Variants in MALRD1 observed in about 807,000 individuals in gnomAD.
MALRD1 encodes the protein MAM and LDL-receptor class A domain-containing protein 1.
Under a neutral mutation model 242.1 loss-of-function variants are expected in MALRD1, and 247 were observed. The ratio of observed to expected loss-of-function variants is 1.02; its 90% CI spans 0.92 to 1.13. MALRD1 has a LOEUF of 1.13. Ranked by LOEUF, MALRD1 falls within the 50% of genes most tolerant of loss-of-function variation. The pLI is 0.00. For missense variants in MALRD1, 2,989 were observed against 2,533.1 expected, an observed-to-expected ratio of 1.18 and a Z score of -3.86; for synonymous variants, 995 against 866.6, an observed-to-expected ratio of 1.15 and a Z score of -2.60.
chr10:19,283,810 G>A (rs576709282), intron 21 of MALRD1, among the ~76,000 whole-genome samples: 16 of 152,182 alleles, frequency 1.1e-4, no homozygotes, highest in African/African-American at 1.4e-4. Flanking sequence ...TTAATTTCAC[G>A]TTATCTCAAT....
chr10:19,295,237 T>G (rs1352980064), intron 21 of MALRD1, among the ~76,000 whole-genome samples: 1 of 152,136 alleles, frequency 6.6e-6, no homozygotes, highest in African/African-American at 2.4e-5. Context: ...TTATTCGTAA[T>G]TTAGACATTT....
At chr10:19,454,274 T>A (rs761084714) in intron 29 of MALRD1, among the ~76,000 whole-genome samples, 3 of 151,316 alleles carry the variant, frequency 2.0e-5, no homozygotes, top group Non-Finnish European at 2.9e-5. Context: ...TGACAAGACT[T>A]GTGTATTATT....
intron 18 of MALRD1, among the ~76,000 whole-genome samples, chr10:19,231,440 G>A (rs980454942): frequency 2.6e-5 from 4 of 152,136 alleles, no homozygotes; most frequent in African/African-American, 9.7e-5. Context: ...ATTAGCCATT[G>A]ATGTGATTCG....
At position 19,103,551 on chromosome 10, in the gene MALRD1, C is replaced by CAA. The variant is rs61433069; in HGVS notation, c.598-415_598-414dup. ...TGGGTGAAAAAGCGAGACTCCGTCT[C>CAA]AAAAAAAAAAAAAATAAATAAAGAT... On this transcript the variant is annotated intron_variant, in intron 4 of 39. Transcript: ENST00000454679. Among the ~76,000 whole-genome samples, 707 of 109,724 alleles carry CAA rather than the reference C, an allele frequency of 6.4e-3. 16 individuals carry two copies. Among genetic ancestry groups the CAA allele is most frequent in the African/African-American group, 0.021 (597 of 28,360 alleles). The allele number at this position is 109,724 out of a possible 152,430, so 72.0% of individuals were successfully genotyped here.
chr10:19,665,334 A>G lies in MALRD1; in HGVS notation c.6138-26948A>G, dbSNP rs561306783. 2.6e-5 allele frequency among the ~76,000 whole-genome samples: 4 copies of G among 152,300 alleles called. No homozygotes were observed. In the South Asian group the frequency reaches 6.2e-4, roughly 24 times the overall value. ...AAATATAGAGGGAAACTAATGGTAG[A>G]TGAGGGCTAGCTAATAAAGTTTCTT... is the stretch of plus-strand genomic sequence containing the variant. On this transcript the variant is annotated intron_variant, in intron 36 of 39. Transcript: ENST00000454679.
intron 26 of MALRD1, among the ~76,000 whole-genome samples, chr10:19,371,649 T>G (rs1845384821): frequency 6.6e-6 from 1 of 152,214 alleles, no homozygotes. Flanking sequence ...CTAATCATAG[T>G]TTGTTGAAAT....
chr10:19,360,325 C>T (rs145803318), intron 26 of MALRD1, among the ~76,000 whole-genome samples: 2 of 152,202 alleles, frequency 1.3e-5, no homozygotes, highest in African/African-American at 4.8e-5. Context: ...TTTCTGCTAC[C>T]TAGGTCTATT....
chr10:19,712,101 AT>A (rs1834150625), intron 38 of MALRD1, among the ~76,000 whole-genome samples: 1 of 152,140 alleles, frequency 6.6e-6, no homozygotes, highest in Admixed American at 6.6e-5. Flanking sequence ...GATAAGACAA[AT>A]ATCAATTTCT....
chr10:19,246,560 C>T (rs1310861092), intron 18 of MALRD1, among the ~76,000 whole-genome samples: 1 of 148,968 alleles, frequency 6.7e-6, no homozygotes, highest in African/African-American at 2.6e-5. Context: ...TTGAGACAAA[C>T]TCATCCTCTT....
intron 18 of MALRD1, among the ~76,000 whole-genome samples, chr10:19,210,713 A>G (rs910563984): frequency 6.7e-6 from 1 of 148,732 alleles, no homozygotes; most frequent in Non-Finnish European, 1.5e-5. Context: ...CTTCTAAGTC[A>G]TAGATGTAGA....
intron 32 of MALRD1, among the ~76,000 whole-genome samples, chr10:19,551,541 G>T (rs751430631): frequency 2.0e-5 from 3 of 152,160 alleles, no homozygotes; most frequent in East Asian, 3.9e-4. Context: ...GGATCATGTC[G>T]CCTGCAAAGA....
chr10:19,606,087 A>T (rs552841844), intron 34 of MALRD1, among the ~76,000 whole-genome samples: 20 of 152,108 alleles, frequency 1.3e-4, no homozygotes, highest in Non-Finnish European at 2.8e-4. Context: ...ATATATTTTA[A>T]TGGGCCATTT....
chr10:19,165,011 C>T (rs1432545806), intron 12 of MALRD1, among the ~76,000 whole-genome samples: 2 of 151,492 alleles, frequency 1.3e-5, no homozygotes, highest in Admixed American at 6.6e-5. Context: ...TTAAAATTAA[C>T]CTAAGAAAAT....
chr10:19,579,677 C>T (rs1044867250), intron 33 of MALRD1, among the ~76,000 whole-genome samples: 4 of 152,030 alleles, frequency 2.6e-5, no homozygotes, highest in African/African-American at 7.2e-5. Flanking sequence ...TGGGGAAGAA[C>T]GTGAGTATAG....
intron 36 of MALRD1, among the ~76,000 whole-genome samples, chr10:19,684,535 C>A (rs1248695370): frequency 6.6e-6 from 1 of 152,082 alleles, no homozygotes; most frequent in East Asian, 1.9e-4. Flanking sequence ...GCAGATGAAC[C>A]ACTTGAGGCC....
intron 18 of MALRD1, among the ~76,000 whole-genome samples, chr10:19,232,276 C>T (rs1235460577): frequency 2.0e-5 from 3 of 151,782 alleles, no homozygotes; most frequent in African/African-American, 7.3e-5. Flanking sequence ...AAGCAATTCT[C>T]CTGCCTCAGT....
intron 2 of MALRD1, among the ~76,000 whole-genome samples, chr10:19,074,463 A>G (rs1411076991): frequency 6.6e-6 from 1 of 152,072 alleles, no homozygotes; most frequent in Non-Finnish European, 1.5e-5. Context: ...AAATGGGTGA[A>G]CTATATGAGA....
At chr10:19,531,476 A>G in intron 32 of MALRD1, 125 bp downstream of exon 32, 1 of 943,868 alleles carries the variant, frequency 1.1e-6, no homozygotes, top group Non-Finnish European at 1.5e-6. Flanking sequence ...TTAATTTCTC[A>G]TTTCTTTCTG....
chr10:19,463,267 C>A (rs527585647), intron 29 of MALRD1, among the ~76,000 whole-genome samples: 1 of 152,170 alleles, frequency 6.6e-6, no homozygotes, highest in Admixed American at 6.5e-5. Flanking sequence ...GTGCACCCAT[C>A]ACGTGAACAG....
Sources: gnomAD v4.1 joint callset for allele counts (sites outside exome capture counted in the v4.1 genomes callset) on GRCh38, gnomAD v4.1.1 for gene constraint, MANE v1.5 for transcripts, NCBI Gene and HGNC (gene_info 2026-07-23, HGNC 2026-07-21) for gene names.